SPMIP2: variants seen among roughly 807,000 people sequenced by gnomAD.
The protein encoded by SPMIP2 is sperm microtubule inner protein 2.
At chr4:159,045,081 ACT>A in the SPMIP2 span, among the ~76,000 whole-genome samples, 41 of 151,348 alleles carry the variant, frequency 2.7e-4, no homozygotes, top group African/African-American at 9.5e-4. Flanking sequence ...ACAGAGTGAG[ACT>A]CTGTCTCAAA....
the SPMIP2 span, among the ~76,000 whole-genome samples, chr4:158,900,969 G>C: frequency 6.6e-6 from 1 of 152,076 alleles, no homozygotes. Flanking sequence ...GCAGTGGCTG[G>C]TACCGCTTTT....
the SPMIP2 span, among the ~76,000 whole-genome samples, chr4:159,053,516 C>G: frequency 4.6e-5 from 7 of 152,254 alleles, no homozygotes; most frequent in Admixed American, 1.3e-4. Flanking sequence ...TCCCCTAGCC[C>G]GTGCCTTCCT....
the SPMIP2 span, among the ~76,000 whole-genome samples, chr4:159,067,097 A>G: frequency 6.6e-6 from 1 of 152,206 alleles, no homozygotes; most frequent in South Asian, 2.1e-4. Context: ...GAGCCAGCAG[A>G]CATGGGAGGA....
chr4:158,992,846 T>A, the SPMIP2 span, among the ~76,000 whole-genome samples: 2 of 152,206 alleles, frequency 1.3e-5, no homozygotes, highest in Admixed American at 1.3e-4. Flanking sequence ...GGAGGAGCCC[T>A]CATGGCCTAA....
chr4:159,073,160 GT>G, the SPMIP2 span, among the ~76,000 whole-genome samples: 14 of 151,848 alleles, frequency 9.2e-5, no homozygotes, highest in East Asian at 2.7e-3. Context: ...TTTTCTTTTT[GT>G]TTTTGTTTTG....
At chr4:159,059,886 GC>G in the SPMIP2 span, among the ~76,000 whole-genome samples, 2 of 152,170 alleles carry the variant, frequency 1.3e-5, no homozygotes, top group Non-Finnish European at 1.5e-5. Context: ...GGCTATAGGG[GC>G]TGACCTCACG....
chr4:158,949,491 G>T, the SPMIP2 span, among the ~76,000 whole-genome samples: 9 of 152,190 alleles, frequency 5.9e-5, no homozygotes, highest in African/African-American at 1.7e-4. Flanking sequence ...CTTGTCCAAG[G>T]TATCATAGCT....
the SPMIP2 span, among the ~76,000 whole-genome samples, chr4:159,003,986 C>A: frequency 5.6e-3 from 845 of 152,208 alleles, 9 homozygotes; most frequent in African/African-American, 0.019. Flanking sequence ...CGAGTCATCA[C>A]CAGCTGAGTC....
At chr4:159,013,001 T>C in the SPMIP2 span, among the ~76,000 whole-genome samples, 1 of 152,216 alleles carries the variant, frequency 6.6e-6, no homozygotes, top group Admixed American at 6.5e-5. Context: ...ACTTTACATG[T>C]TTGAATATGT....
the SPMIP2 span, among the ~76,000 whole-genome samples, chr4:159,062,855 ATTTTTTT>A: frequency 7.3e-6 from 1 of 137,736 alleles, no homozygotes; most frequent in South Asian, 2.3e-4. Context: ...GGCCTGGCTA[ATTTTTTT>A]TTTTTTTTTT....
At chr4:158,928,941 G>C in the SPMIP2 span, among the ~76,000 whole-genome samples, 3 of 152,124 alleles carry the variant, frequency 2.0e-5, no homozygotes, top group Non-Finnish European at 4.4e-5. Context: ...AACTCTGAAC[G>C]CATCAGAACA....
At chr4:159,005,579 A>G in the SPMIP2 span, among the ~76,000 whole-genome samples, 1 of 152,346 alleles carries the variant, frequency 6.6e-6, no homozygotes. Flanking sequence ...CACTAGCCAC[A>G]TGTGTTATTG....
the SPMIP2 span, chr4:159,026,069 C>T: frequency 2.9e-5 from 6 of 206,348 alleles, no homozygotes; most frequent in East Asian, 2.7e-4. Flanking sequence ...ATTCACAGTG[C>T]GCTGCCCATG....
At chr4:158,977,892 G>A in the SPMIP2 span, among the ~76,000 whole-genome samples, 1 of 152,264 alleles carries the variant, frequency 6.6e-6, no homozygotes, top group East Asian at 1.9e-4. Flanking sequence ...GATTACAGGT[G>A]TGAGCCACAG....
chr4:158,910,583 C>T, the SPMIP2 span, among the ~76,000 whole-genome samples: 1 of 152,186 alleles, frequency 6.6e-6, no homozygotes, highest in South Asian at 2.1e-4. Context: ...CAGTGCTGTG[C>T]AGGTATTTCT....
chr4:159,033,257 A>C, the SPMIP2 span, among the ~76,000 whole-genome samples: 3 of 151,840 alleles, frequency 2.0e-5, no homozygotes, highest in African/African-American at 7.3e-5. Context: ...AAAACTGTGG[A>C]GACAGTGAAA....
the SPMIP2 span, among the ~76,000 whole-genome samples, chr4:158,933,348 G>A: frequency 6.6e-6 from 1 of 152,154 alleles, no homozygotes; most frequent in Non-Finnish European, 1.5e-5. Context: ...TTCTTTTTTA[G>A]AGGAGCATAT....
At chr4:159,070,110 T>G in the SPMIP2 span, among the ~76,000 whole-genome samples, 1 of 151,922 alleles carries the variant, frequency 6.6e-6, no homozygotes, top group Non-Finnish European at 1.5e-5. Flanking sequence ...AAAGGACAGA[T>G]GGTTCTTATT....
At chr4:158,915,108 G>T in the SPMIP2 span, 1 of 1,420,590 alleles carries the variant, frequency 7.0e-7, no homozygotes, top group South Asian at 1.3e-5. Context: ...ACCTGTCCCT[G>T]ATTTATATGT....
Sources: allele counts gnomAD v4.1 joint callset (sites outside exome capture counted in the v4.1 genomes callset), GRCh38; gene constraint gnomAD v4.1.1; transcripts MANE v1.5; gene names NCBI Gene and HGNC (gene_info 2026-07-23, HGNC 2026-07-21).